Variants in CNTN3 observed in about 807,000 individuals in gnomAD.
CNTN3 encodes contactin-3.
CNTN3 carries 60 observed loss-of-function variants against 119.1 expected under a neutral mutation model. That is an observed-to-expected ratio of 0.50 (90% CI 0.41 to 0.62). The LOEUF is 0.62. Ranked by LOEUF, CNTN3 falls within the 20% of genes least tolerant of loss-of-function variation. The probability of loss-of-function intolerance (pLI) is 0.00; values close to 1 mark genes in which losing one functional copy is unlikely to be tolerated. For synonymous variants in CNTN3, 450 were observed against 438.7 expected (o/e 1.03, Z -0.32); for missense variants, 1,101 against 1,242.4 (o/e 0.89, Z 1.71).
At chr3:74,330,666 CAGA>C (rs1483655641) in intron 13 of CNTN3, among the ~76,000 whole-genome samples, 2 of 151,794 alleles carry the variant, frequency 1.3e-5, no homozygotes, top group Admixed American at 6.6e-5. Context: ...GGAGGAATTC[CAGA>C]AGAAGGCATT....
At chr3:74,381,933 G>T (rs1024034869) in intron 5 of CNTN3, among the ~76,000 whole-genome samples, 14 of 152,276 alleles carry the variant, frequency 9.2e-5, no homozygotes, top group African/African-American at 3.4e-4. Context: ...TATTGGCTGG[G>T]AGTGGTGGCT....
chr3:74,306,736 A>G (rs1167046740), intron 13 of CNTN3, among the ~76,000 whole-genome samples: 1 of 152,204 alleles, frequency 6.6e-6, no homozygotes, highest in African/African-American at 2.4e-5. Flanking sequence ...GAAGTAGGAT[A>G]TGATCCTCTA....
At chr3:74,471,832 C>T (rs1287365007) in intron 4 of CNTN3, among the ~76,000 whole-genome samples, 1 of 152,158 alleles carries the variant, frequency 6.6e-6, no homozygotes, top group Non-Finnish European at 1.5e-5. Context: ...TTATCTGTCC[C>T]AGTTTGTATG....
At chr3:74,502,299 G>A (rs1703179886) in intron 2 of CNTN3, among the ~76,000 whole-genome samples, 1 of 151,990 alleles carries the variant, frequency 6.6e-6, no homozygotes, top group Non-Finnish European at 1.5e-5. Context: ...GCAAAGAGAG[G>A]TGTTCAAAAA....
chr3:74,267,502 G>T, intron 20 of CNTN3, 124 bp from the exon 21 acceptor site: 1 of 632,990 alleles, frequency 1.6e-6, no homozygotes. Context: ...GTAATGCTTG[G>T]TGTAATAGAT....
chr3:74,315,884 TA>T, intron 13 of CNTN3, among the ~76,000 whole-genome samples: 1 of 152,326 alleles, frequency 6.6e-6, no homozygotes, highest in African/African-American at 2.4e-5. Context: ...GAAAATATTT[TA>T]TATGGAAATA....
chr3:74,562,335 C>G (rs1704165028), intron 1 of CNTN3, among the ~76,000 whole-genome samples: 1 of 152,144 alleles, frequency 6.6e-6, no homozygotes, highest in Non-Finnish European at 1.5e-5. Context: ...GTGTTTTCCT[C>G]TCTTTGTAAA....
intron 5 of CNTN3, among the ~76,000 whole-genome samples, chr3:74,400,866 T>G (rs1705172950): frequency 6.6e-6 from 1 of 152,194 alleles, no homozygotes; most frequent in Non-Finnish European, 1.5e-5. Context: ...CTTTAAGGAT[T>G]GATTTGCACA....
intron 13 of CNTN3, among the ~76,000 whole-genome samples, chr3:74,320,527 G>T (rs1404226841): frequency 1.3e-5 from 2 of 152,120 alleles, no homozygotes; most frequent in Non-Finnish European, 2.9e-5. Context: ...GTGGGGTGGG[G>T]GGACGTGGGA....
chr3:74,278,849 A>G (rs1260479223), intron 20 of CNTN3, among the ~76,000 whole-genome samples: 1 of 152,176 alleles, frequency 6.6e-6, no homozygotes, highest in Non-Finnish European at 1.5e-5. Context: ...AATCTTCACA[A>G]TCTATTCATC....
chr3:74,531,221 T>G (rs1703688772), intron 1 of CNTN3, among the ~76,000 whole-genome samples: 1 of 151,954 alleles, frequency 6.6e-6, no homozygotes, highest in Non-Finnish European at 1.5e-5. Flanking sequence ...ACGTTTTAAT[T>G]TTTTTGCTTG....
chr3:74,587,514 T>C (rs1332687725), intron 1 of CNTN3, among the ~76,000 whole-genome samples: 2 of 152,104 alleles, frequency 1.3e-5, no homozygotes, highest in Non-Finnish European at 2.9e-5. Context: ...AGATTCCATC[T>C]GCCACTTATG....
At chr3:74,279,289 C>A (rs1242212673) in intron 20 of CNTN3, among the ~76,000 whole-genome samples, 1 of 152,106 alleles carries the variant, frequency 6.6e-6, no homozygotes, top group Non-Finnish European at 1.5e-5. Flanking sequence ...AGTCATTATA[C>A]GAAAAAGATA....
chr3:74,507,980 T>A (rs1451989567), intron 2 of CNTN3, among the ~76,000 whole-genome samples: 1 of 152,140 alleles, frequency 6.6e-6, no homozygotes, highest in African/African-American at 2.4e-5. Context: ...ACTTCCAGAC[T>A]ACTGAGAGGG....
chr3:74,556,376 C>T (rs1325674916), intron 1 of CNTN3, among the ~76,000 whole-genome samples: 1 of 152,140 alleles, frequency 6.6e-6, no homozygotes, highest in Non-Finnish European at 1.5e-5. Flanking sequence ...TTATTCTGGG[C>T]ATTTCATATA....
At chr3:74,285,663 G>A (rs1049798946) in intron 19 of CNTN3, among the ~76,000 whole-genome samples, 172 bp from the exon 20 acceptor site, 1 of 151,126 alleles carries the variant, frequency 6.6e-6, no homozygotes, top group Admixed American at 6.6e-5. Flanking sequence ...CAGCAGTGAA[G>A]ATAGAGAAAA....
At chr3:74,437,664 AGTTTCTTATACTTCAAGTGTTTATATAT>A (rs1378638460) in intron 4 of CNTN3, among the ~76,000 whole-genome samples, 1 of 152,086 alleles carries the variant, frequency 6.6e-6, no homozygotes, top group East Asian at 1.9e-4. Flanking sequence ...TTCTTAAAAG[AGTTTCTTATACTTCAAGTGTTTATATAT>A]GTGTGTGTGT....
At chr3:74,485,213 A>G (rs987308757) in intron 4 of CNTN3, among the ~76,000 whole-genome samples, 1 of 152,024 alleles carries the variant, frequency 6.6e-6, no homozygotes, top group South Asian at 2.1e-4. Flanking sequence ...CCTGCAAAAT[A>G]TAGCTCAAGA....
At chr3:74,349,277 C>T (rs761164480) in intron 11 of CNTN3, among the ~76,000 whole-genome samples, 3 of 152,088 alleles carry the variant, frequency 2.0e-5, no homozygotes, top group Non-Finnish European at 4.4e-5. Flanking sequence ...GTCTTCTACA[C>T]AAACAGACAT....
Sources: gnomAD v4.1 joint callset for allele counts (sites outside exome capture counted in the v4.1 genomes callset) on GRCh38, gnomAD v4.1.1 for gene constraint, MANE v1.5 for transcripts, NCBI Gene and HGNC (gene_info 2026-07-23, HGNC 2026-07-21) for gene names.